The following PTPRD variants were observed in gnomAD, a reference collection of about 807,000 sequenced individuals.
The protein encoded by PTPRD is receptor-type tyrosine-protein phosphatase delta.
In PTPRD, 34 loss-of-function variants were observed where a neutral mutation model predicts 214.5. That is an observed-to-expected ratio of 0.16 (90% CI 0.12 to 0.21). The LOEUF (loss-of-function observed/expected upper bound fraction) is 0.21, where lower values mean the gene tolerates loss of function less well. Ranked by LOEUF, PTPRD falls within the 10% of genes least tolerant of loss-of-function variation. The pLI, the probability that PTPRD is intolerant of heterozygous loss-of-function variation, is 1.00. For synonymous variants in PTPRD, 1,128 were observed against 845.7 expected, an observed-to-expected ratio of 1.33 and a Z score of -5.79; for missense variants, 2,545 against 2,398.7, an observed-to-expected ratio of 1.06 and a Z score of -1.27.
At chr9:8,934,489 A>G (rs1375957872) in intron 11 of PTPRD, among the ~76,000 whole-genome samples, 1 of 9,476 alleles carries the variant, frequency 1.1e-4, no homozygotes, top group Admixed American at 1.8e-3. Flanking sequence ...ATATATATAT[A>G]TATAAATATA....
intron 6 of PTPRD, among the ~76,000 whole-genome samples, chr9:9,743,882 C>G (rs1310763032): frequency 6.6e-6 from 1 of 151,972 alleles, no homozygotes; most frequent in Non-Finnish European, 1.5e-5. Context: ...AATATGCAGG[C>G]TAATTGATCC....
intron 3 of PTPRD, among the ~76,000 whole-genome samples, chr9:10,278,061 G>A (rs1051718188): frequency 9.2e-5 from 14 of 152,080 alleles, no homozygotes; most frequent in African/African-American, 3.1e-4. Context: ...TCGGGAGGCT[G>A]AGGCAGGAGA....
chr9:10,423,430 T>C (rs1329800336), intron 2 of PTPRD, among the ~76,000 whole-genome samples: 1 of 152,028 alleles, frequency 6.6e-6, no homozygotes, highest in African/African-American at 2.4e-5. Flanking sequence ...GTTGTGCATA[T>C]GTACCCTAGA....
chr9:9,452,855 C>T (rs978459495), intron 8 of PTPRD, among the ~76,000 whole-genome samples: 5 of 151,338 alleles, frequency 3.3e-5, no homozygotes, highest in African/African-American at 1.2e-4. Flanking sequence ...TCAATAATAT[C>T]CAAAATTTTA....
intron 12 of PTPRD, among the ~76,000 whole-genome samples, chr9:8,732,235 C>T (rs1016869326): frequency 6.6e-6 from 1 of 152,150 alleles, no homozygotes; most frequent in Non-Finnish European, 1.5e-5. Context: ...AGGCATCACT[C>T]CTCAGTAGAA....
At chr9:9,499,213 T>C (rs756063146) in intron 8 of PTPRD, among the ~76,000 whole-genome samples, 2 of 152,144 alleles carry the variant, frequency 1.3e-5, no homozygotes, top group Non-Finnish European at 2.9e-5. Flanking sequence ...GATAAAAACA[T>C]TGTGATGTTA....
chr9:8,962,827 G>A (rs2099166097), intron 11 of PTPRD: 1 of 152,028 alleles, frequency 6.6e-6, no homozygotes, highest in Non-Finnish European at 1.5e-5. Context: ...GTAAAGCTTT[G>A]AAAAACTATT....
intron 2 of PTPRD, among the ~76,000 whole-genome samples, chr9:10,538,377 C>T (rs1451776533): frequency 4.0e-5 from 6 of 151,850 alleles, no homozygotes; most frequent in African/African-American, 1.4e-4. Context: ...GTTCATATTT[C>T]CCCCTCTCTA....
At chr9:8,349,732 G>T (rs1164062195) in intron 39 of PTPRD, among the ~76,000 whole-genome samples, 1 of 152,114 alleles carries the variant, frequency 6.6e-6, no homozygotes, top group African/African-American at 2.4e-5. Context: ...CATTTATTAT[G>T]TTATGTTACA....
At position 9,957,140 on chromosome 9, in the gene PTPRD, A is replaced by G. The variant is rs114621586; in HGVS notation, c.-471-18530T>C. On this transcript the variant is annotated intron_variant, in intron 4 of 45. Transcript: ENST00000381196. ...CACTGTATTCATTTTGACTCCACAA[A>G]AAATAAATCCCATTTATATGTATGT... Among the ~76,000 whole-genome samples the G allele has an allele frequency of 9.3e-3, 1,420 of 152,308 alleles. 20 individuals carry two copies. Among genetic ancestry groups the G allele is most frequent in the African/African-American group, 0.031 (1,309 of 41,566 alleles).
intron 23 of PTPRD, among the ~76,000 whole-genome samples, chr9:8,502,867 C>A (rs1348895421): frequency 1.4e-5 from 2 of 141,274 alleles, no homozygotes; most frequent in East Asian, 4.3e-4. Context: ...TATATATACA[C>A]ACACACACAT....
chr9:9,079,162 G>C (rs180782319), intron 10 of PTPRD, among the ~76,000 whole-genome samples: 3 of 152,152 alleles, frequency 2.0e-5, no homozygotes, highest in Admixed American at 2.0e-4. Context: ...TTGCTATCTA[G>C]ATGTAATTTT....
chr9:9,952,365 G>A (rs1258429333), intron 4 of PTPRD, among the ~76,000 whole-genome samples: 2 of 152,188 alleles, frequency 1.3e-5, no homozygotes, highest in African/African-American at 4.8e-5. Flanking sequence ...TCAGCAACAC[G>A]TGGTGCCTTG....
intron 14 of PTPRD, among the ~76,000 whole-genome samples, chr9:8,576,835 C>G (rs1594313238): frequency 1.3e-5 from 2 of 152,252 alleles, no homozygotes; most frequent in East Asian, 3.9e-4. Flanking sequence ...CAGAAAGCAT[C>G]TTTGGTGACT....
chr9:8,886,727 A>G (rs1434967728), intron 11 of PTPRD, among the ~76,000 whole-genome samples: 1 of 152,156 alleles, frequency 6.6e-6, no homozygotes, highest in Admixed American at 6.5e-5. Flanking sequence ...CATTATCTAC[A>G]TTTTGCCAAG....
intron 5 of PTPRD, among the ~76,000 whole-genome samples, chr9:9,846,704 A>G (rs2059595158): frequency 6.6e-6 from 1 of 152,116 alleles, no homozygotes; most frequent in African/African-American, 2.4e-5. Flanking sequence ...ATTCTGCCAA[A>G]CACCAACTAA....
chr9:9,777,255 T>C (rs555780753), intron 5 of PTPRD, among the ~76,000 whole-genome samples: 1 of 152,010 alleles, frequency 6.6e-6, no homozygotes, highest in South Asian at 2.1e-4. Context: ...AGGAGAAAAA[T>C]CTTTCATAAA....
chr9:9,164,670 A>G (rs1015206983), intron 10 of PTPRD, among the ~76,000 whole-genome samples: 9 of 152,128 alleles, frequency 5.9e-5, no homozygotes, highest in East Asian at 3.9e-4. Flanking sequence ...TGTTCAATAC[A>G]TATTTATTAT....
intron 12 of PTPRD, among the ~76,000 whole-genome samples, chr9:8,722,710 T>C (rs981460278): frequency 2.0e-5 from 3 of 152,184 alleles, no homozygotes; most frequent in African/African-American, 7.2e-5. Flanking sequence ...ACTTTACAAA[T>C]GTACCGTCCT....
Sources: allele counts gnomAD v4.1 joint callset (sites outside exome capture counted in the v4.1 genomes callset), GRCh38; gene constraint gnomAD v4.1.1; transcripts MANE v1.5; gene names NCBI Gene and HGNC (gene_info 2026-07-23, HGNC 2026-07-21).